TAF1D: variants seen among roughly 807,000 people sequenced by gnomAD.
The protein encoded by TAF1D is TATA box-binding protein-associated factor RNA polymerase I subunit D.
Under a neutral mutation model 26.2 loss-of-function variants are expected in TAF1D, and 23 were observed. That is an observed-to-expected ratio of 0.88 (90% CI 0.63 to 1.25). The LOEUF (loss-of-function observed/expected upper bound fraction) is 1.25. TAF1D is among the 50% of genes most tolerant of loss of function. The pLI is 0.00. For missense variants in TAF1D, 299 were observed against 322.0 expected (o/e 0.93, Z 0.55); for synonymous variants, 100 against 105.6 (o/e 0.95, Z 0.33).
At chr11:93,738,580 T>G (rs1941215625) in intron 2 of TAF1D, 81 bp from the exon 3 acceptor site, 10 of 1,376,482 alleles carry the variant, frequency 7.3e-6, no homozygotes, top group Non-Finnish European at 9.6e-6. Context: ...AAATGTACAT[T>G]TCTTCCAAGA....
chr11:93,741,271 C>A, intron 1 of TAF1D, 51 bp downstream of exon 1: 3 of 454,728 alleles, frequency 6.6e-6, no homozygotes, highest in South Asian at 4.7e-5. Context: ...AGATATGCAA[C>A]GCCTCCCCCG....
At position 93,738,139 on chromosome 11, in the gene TAF1D, GT is replaced by G; in HGVS notation, c.428del (p.Asn143ThrfsTer8). The G allele has an allele frequency of 6.4e-7, 1 of 1,562,698 alleles. No homozygotes were observed. ...ACGTTAAAATTTTTCTCCAAGGTGC[GT>G]TTTTTTCATTCTCTGATTCTAAAAA... ...FPFLESENEK[N>X]APWRKILTFE... is the part of the protein sequence containing the mutation. On this transcript the variant is annotated frameshift_variant, in exon 3 of 6. Transcript: ENST00000448108. LOFTEE classifies it high-confidence loss of function.
At chr11:93,730,676 C>T (rs369483780), downstream of TAF1D, 19 of 521,324 alleles carry the variant, frequency 3.6e-5, no homozygotes, top group Non-Finnish European at 7.2e-5. Context: ...TGCATACATA[C>T]CTTTTTAATG....
At chr11:93,733,617 A>AT (rs576600935), downstream of TAF1D, 509 of 497,264 alleles carry the variant, frequency 1.0e-3, 1 homozygote, top group African/African-American at 8.2e-3. Context: ...CAAGGTTTTG[A>AT]TTTTTTTTTA....
chr11:93,731,525 A>G (rs554183631), downstream of TAF1D: 3 of 518,998 alleles, frequency 5.8e-6, no homozygotes, highest in African/African-American at 3.8e-5. Flanking sequence ...GGCCATTTTC[A>G]TTCAGCCCCT....
At chr11:93,731,876 A>G (rs539195304), downstream of TAF1D, 2 of 371,352 alleles carry the variant, frequency 5.4e-6, no homozygotes, top group African/African-American at 2.1e-5. Flanking sequence ...CCACATTACA[A>G]TGTTTCAGTC....
intron 5 of TAF1D, 64 bp from the exon 6 acceptor site, chr11:93,736,368 T>C (rs1295008135): frequency 2.0e-5 from 30 of 1,509,388 alleles, no homozygotes; most frequent in Middle Eastern, 1.9e-4. Context: ...TAATTACATA[T>C]AGCTGAATGC....
At position 93,738,513 on chromosome 11, in the gene TAF1D, A is replaced by G; in HGVS notation, c.69-14T>C. On this transcript the variant is annotated splice_polypyrimidine_tract_variant and intron_variant, in intron 2 of 5. Transcript: ENST00000448108. ...GAAGAGTTATCACTAGAAAAATGGG[A>G]AAAAAATTAATTTCATCTTCTTTTC... The G allele has an allele frequency of 6.5e-7, 1 of 1,541,888 alleles. No homozygotes were observed. Among genetic ancestry groups the G allele is most frequent in the Non-Finnish European group, 8.7e-7 (1 of 1,149,684 alleles).
chr11:93,734,559 GCT>G (rs1378645067), downstream of TAF1D: 14 of 462,576 alleles, frequency 3.0e-5, no homozygotes, highest in East Asian at 9.0e-4. Flanking sequence ...AATGAAACTT[GCT>G]CTGACAACAT....
rs140446721 is a variant in TAF1D at position 93,738,401 on chromosome 11, G to A, written c.167C>T (p.Pro56Leu). 6.6e-4 allele frequency: 1,071 copies of A among 1,613,628 alleles called. 1 individual carries two copies. The highest frequency in any genetic ancestry group is 8.6e-4 in the Non-Finnish European group (1,018 of 1,179,954). ...TGAATCACTTGCGTGAACACTTTCA[G>A]GTGTACGAACAAATTTTCGAATGGG... Reference protein sequence around the residue: ...RNPIRKFVRTPESVHASDSSS... With the variant: ...RNPIRKFVRTLESVHASDSSS... Residue 56 changes from proline to leucine, a missense_variant, in exon 3 of 6, where the codon CCT becomes CTT. By Grantham distance (98) the Pro-to-Leu change is moderately conservative. Transcript: ENST00000448108.
chr11:93,734,448 G>A (rs186766723), downstream of TAF1D: 45 of 333,974 alleles, frequency 1.3e-4, no homozygotes, highest in Middle Eastern at 2.1e-3. Flanking sequence ...CAACTAAAAT[G>A]AATCTGACAC....
downstream of TAF1D, chr11:93,734,976 C>G: frequency 3.5e-6 from 4 of 1,128,120 alleles, no homozygotes; most frequent in Non-Finnish European, 4.6e-6. Context: ...CTTGCCTAGG[C>G]TGGTCTTGAA....
downstream of TAF1D, chr11:93,734,837 G>A: frequency 2.9e-6 from 3 of 1,035,406 alleles, no homozygotes; most frequent in East Asian, 6.0e-5. Flanking sequence ...GTACAGTGGT[G>A]CCATCAAAGC....
downstream of TAF1D, chr11:93,730,942 A>T (rs1349516356): frequency 2.0e-6 from 1 of 491,572 alleles, no homozygotes; most frequent in African/African-American, 2.0e-5. Flanking sequence ...CATGTGGTTC[A>T]CATTTTATTT....
At position 93,735,656 on chromosome 11, in the gene TAF1D, G is replaced by A. The variant is rs955912049; in HGVS notation, c.*505C>T. On this transcript the variant is annotated 3_prime_UTR_variant, in exon 6 of 6. Coordinates refer to ENST00000448108, the MANE Select transcript of TAF1D (RefSeq NM_024116.4). Reference sequence around the variant, plus strand: ...TGCACTACAGCCTGGGTGACAGATCGAGACTCTGTCTAAAAAAAATAGTAT... The same window carrying A: ...TGCACTACAGCCTGGGTGACAGATCAAGACTCTGTCTAAAAAAAATAGTAT... 1.9e-4 allele frequency: 185 copies of A among 985,786 alleles called. No individual in the cohort carries two copies. In the African/African-American group the frequency reaches 2.7e-3, roughly 14 times the overall value. The allele number at this position is 985,786 out of a possible 1,614,324, so 61.1% of individuals were successfully genotyped here. A position where few individuals can be genotyped will look rare whatever the true frequency, so the allele number is the denominator to read the frequency against.
chr11:93,732,596 T>C, downstream of TAF1D: 1 of 382,368 alleles, frequency 2.6e-6, no homozygotes, highest in Non-Finnish European at 5.2e-6. Flanking sequence ...AGTACAATAA[T>C]TTGAGCTTTT....
chr11:93,740,200 G>A (rs1941613191), intron 1 of TAF1D, among the ~76,000 whole-genome samples: 1 of 151,330 alleles, frequency 6.6e-6, no homozygotes. Context: ...CAGGAGGCTG[G>A]GGTAGGTGGA....
chr11:93,732,989 T>G (rs1939607417), downstream of TAF1D: 2 of 315,436 alleles, frequency 6.3e-6, no homozygotes, highest in Non-Finnish European at 1.2e-5. Context: ...TGCCAGTATC[T>G]TACTAATTCT....
downstream of TAF1D, chr11:93,731,312 A>C: frequency 5.8e-6 from 2 of 345,904 alleles, no homozygotes; most frequent in Non-Finnish European, 1.1e-5. Flanking sequence ...AGTATCCTGA[A>C]ACCCGGCACC....
Sources: gnomAD v4.1 joint callset for allele counts (sites outside exome capture counted in the v4.1 genomes callset) on GRCh38, gnomAD v4.1.1 for gene constraint, MANE v1.5 for transcripts, NCBI Gene and HGNC (gene_info 2026-07-23, HGNC 2026-07-21) for gene names.